Variants in COL22A1 observed in about 807,000 individuals in gnomAD.
COL22A1 encodes collagen type XXII alpha 1 chain, also known as collagen alpha-1(XXII) chain.
In COL22A1, 221 loss-of-function variants were observed where a neutral mutation model predicts 248.9. That is an observed-to-expected ratio of 0.89 (90% CI 0.80 to 0.99). The LOEUF (loss-of-function observed/expected upper bound fraction) is 0.99, where lower values mean the gene tolerates loss of function less well. COL22A1 is among the 50% of genes least tolerant of loss of function. The pLI is 0.00. For missense variants in COL22A1, 2,240 were observed against 2,179.0 expected (o/e 1.03, Z -0.56); for synonymous variants, 891 against 793.4 (o/e 1.12, Z -2.07).
intron 11 of COL22A1, among the ~76,000 whole-genome samples, chr8:138,801,030 G>A (rs1816956065): frequency 6.6e-6 from 1 of 152,214 alleles, no homozygotes; most frequent in African/African-American, 2.4e-5. Flanking sequence ...CCCCAAGTCT[G>A]TGAAGCATGT....
Position 138,877,811 on chromosome 8 carries a change from G to T in COL22A1, c.597C>A (p.His199Gln). The T allele has an allele frequency of 6.2e-7, 1 of 1,611,634 alleles. No homozygotes were observed. The change falls in exon 3 of 65, where the codon CAC becomes CAA. Residue 199 changes from histidine (H) to glutamine (Q), a missense_variant. Transcript: ENST00000303045. ...ASEPKSAHVFHVSDFNAIDKI... is the reference protein window; with the variant it reads ...ASEPKSAHVFQVSDFNAIDKI... ...TGTCGATGGCATTGAAGTCGGACAC[G>T]TGGAAGACGTGGGCGGACTTGGGCT...
At chr8:138,643,317 C>A (rs989787909) in intron 47 of COL22A1, among the ~76,000 whole-genome samples, 10 of 152,150 alleles carry the variant, frequency 6.6e-5, no homozygotes, top group African/African-American at 2.4e-4. Context: ...AGGAGTCTTG[C>A]CTCTGTCAAA....
At chr8:138,863,370 C>G (rs1354103364) in intron 3 of COL22A1, among the ~76,000 whole-genome samples, 3 of 152,202 alleles carry the variant, frequency 2.0e-5, no homozygotes, top group African/African-American at 7.2e-5. Flanking sequence ...TTCTACTCTT[C>G]CCTCCCTGGT....
intron 53 of COL22A1, among the ~76,000 whole-genome samples, chr8:138,619,010 T>G (rs951535543): frequency 3.3e-5 from 5 of 152,142 alleles, no homozygotes; most frequent in African/African-American, 9.7e-5. Context: ...TAGAAGTAAA[T>G]TAATTTTCTT....
At chr8:138,720,344 G>T (rs530453492) in intron 27 of COL22A1, among the ~76,000 whole-genome samples, 1 of 152,134 alleles carries the variant, frequency 6.6e-6, no homozygotes, top group Admixed American at 6.5e-5. Flanking sequence ...GCGAGCACTT[G>T]TATCTGTTCC....
chr8:138,826,795 G>C lies in COL22A1; in HGVS notation c.846-14C>G. On this transcript the variant is annotated splice_polypyrimidine_tract_variant and intron_variant, in intron 5 of 64. Coordinates refer to ENST00000303045, the MANE Select transcript of COL22A1 (RefSeq NM_152888.3). ...GGGAACACATCCCTGGAGAAAAATG[G>C]AGACAAAGACACCAGGCTTGGCGAT... 5 of 1,613,626 alleles carry C rather than the reference G, an allele frequency of 3.1e-6. No individual in the cohort carries two copies. Among genetic ancestry groups the C allele is most frequent in the Non-Finnish European group, 4.2e-6 (5 of 1,179,830 alleles).
intron 27 of COL22A1, among the ~76,000 whole-genome samples, chr8:138,717,839 G>A (rs1273528544): frequency 2.6e-5 from 4 of 152,204 alleles, no homozygotes; most frequent in East Asian, 1.9e-4. Flanking sequence ...AGAGCTTTGC[G>A]ATGATGATGG....
chr8:138,631,295 T>C (rs1195966111), intron 49 of COL22A1, among the ~76,000 whole-genome samples: 1 of 152,208 alleles, frequency 6.6e-6, no homozygotes, highest in Non-Finnish European at 1.5e-5. Flanking sequence ...CATAAATATT[T>C]CAAATGTGCT....
rs572723617 is a variant in COL22A1, at chr8:138,724,604, C to G, written c.2247+11G>C. On this transcript the variant is annotated intron_variant, in intron 25 of 64. Coordinates refer to ENST00000303045, the MANE Select transcript of COL22A1 (RefSeq NM_152888.3). The stretch of plus-strand genomic sequence containing the variant: ...GAGGAGGGGAGCAGGAAGATGTTTC[C>G]GAACACTCACCGTGGGCCCAGGAGG... 4.3e-6 allele frequency: 7 copies of G among 1,613,704 alleles called. No individual in the cohort carries two copies. The South Asian group carries it at 6.6e-5, about 15-fold the overall frequency.
At chr8:138,704,900 G>A (rs1035102284) in intron 30 of COL22A1, among the ~76,000 whole-genome samples, 21 of 152,118 alleles carry the variant, frequency 1.4e-4, no homozygotes, top group African/African-American at 3.9e-4. Flanking sequence ...TTAGACGAAT[G>A]GCTAACTAGA....
At chr8:138,883,321 G>GAGTTT in intron 1 of COL22A1, 77 bp from the exon 2 acceptor site, 2 of 776,896 alleles carry the variant, frequency 2.6e-6, no homozygotes, top group Non-Finnish European at 2.0e-6. Context: ...GCCCTGCCCA[G>GAGTTT]GGGGATTCCC....
intron 47 of COL22A1, among the ~76,000 whole-genome samples, chr8:138,645,935 G>A (rs1822166488): frequency 6.6e-6 from 1 of 152,172 alleles, no homozygotes; most frequent in Non-Finnish European, 1.5e-5. Flanking sequence ...ATGACAGCGG[G>A]AAGGGAATGA....
At chr8:138,849,947 GCTCT>G (rs1439679680) in intron 3 of COL22A1, among the ~76,000 whole-genome samples, 1 of 152,122 alleles carries the variant, frequency 6.6e-6, no homozygotes, top group African/African-American at 2.4e-5. Context: ...TTACACACAG[GCTCT>G]CTTTTAATCC....
intron 56 of COL22A1, among the ~76,000 whole-genome samples, chr8:138,612,653 G>A (rs536218300): frequency 1.4e-3 from 214 of 152,200 alleles, no homozygotes; most frequent in Non-Finnish European, 2.7e-3. Context: ...TGGGCCAGGC[G>A]CAGTGGCTCA....
At chr8:138,772,740 A>T (rs143850279) in intron 16 of COL22A1, among the ~76,000 whole-genome samples, 91 of 152,354 alleles carry the variant, frequency 6.0e-4, no homozygotes, top group African/African-American at 2.1e-3. Flanking sequence ...GCATGCCTGT[A>T]GTCCCAGCTA....
At chr8:138,809,602 C>A (rs1160778559) in intron 9 of COL22A1, among the ~76,000 whole-genome samples, 1 of 149,248 alleles carries the variant, frequency 6.7e-6, no homozygotes, top group Non-Finnish European at 1.5e-5. Flanking sequence ...CTCACTGCAA[C>A]CTCCGCCTCC....
chr8:138,733,978 C>T (rs1314077869), intron 23 of COL22A1, among the ~76,000 whole-genome samples: 1 of 152,160 alleles, frequency 6.6e-6, no homozygotes, highest in Non-Finnish European at 1.5e-5. Flanking sequence ...GAGAAACCAC[C>T]TGTACAGCTT....
chr8:138,752,365 A>C (rs895265813), intron 21 of COL22A1, among the ~76,000 whole-genome samples: 15 of 152,368 alleles, frequency 9.8e-5, no homozygotes, highest in Non-Finnish European at 2.1e-4. Context: ...TAATTATCAT[A>C]CTAATAGCTA....
intron 15 of COL22A1, among the ~76,000 whole-genome samples, chr8:138,776,999 G>T (rs1196381100): frequency 6.6e-6 from 1 of 152,106 alleles, no homozygotes; most frequent in Non-Finnish European, 1.5e-5. Flanking sequence ...CCACCCACAC[G>T]AGCTGAAAAA....
Sources: gnomAD v4.1 joint callset for allele counts (sites outside exome capture counted in the v4.1 genomes callset) on GRCh38, gnomAD v4.1.1 for gene constraint, MANE v1.5 for transcripts, NCBI Gene and HGNC (gene_info 2026-07-23, HGNC 2026-07-21) for gene names.